The following CAPN11 variants were observed in gnomAD, a reference collection of about 807,000 sequenced individuals.
The protein encoded by CAPN11 is calpain 11, also known as calpain-11.
CAPN11 carries 108 observed loss-of-function variants against 105.3 expected under a neutral mutation model. The ratio of observed to expected loss-of-function variants is 1.03; its 90% CI spans 0.88 to 1.20. The LOEUF (loss-of-function observed/expected upper bound fraction) is 1.20, where lower values mean the gene tolerates loss of function less well. Ranked by LOEUF, CAPN11 falls within the 50% of genes most tolerant of loss-of-function variation. CAPN11 has a pLI of 0.00. For synonymous variants in CAPN11, 329 were observed against 344.5 expected, an observed-to-expected ratio of 0.96 and a Z score of 0.50; for missense variants, 883 against 924.8, an observed-to-expected ratio of 0.95 and a Z score of 0.59.
chr6:44,176,382 C>A, intron 9 of CAPN11, 44 bp downstream of exon 9: 2 of 1,538,938 alleles, frequency 1.3e-6, no homozygotes, highest in Non-Finnish European at 1.8e-6. Flanking sequence ...GAGGATACAG[C>A]AGGCGGTGCC....
At chr6:44,174,534 G>C (rs972059978) in intron 7 of CAPN11, among the ~76,000 whole-genome samples, 1 of 68,666 alleles carries the variant, frequency 1.5e-5, no homozygotes, top group Admixed American at 1.5e-4. Flanking sequence ...AAAAAAAAAA[G>C]AAATTAATTA....
At chr6:44,162,917 C>T (rs770651230) in intron 1 of CAPN11, among the ~76,000 whole-genome samples, 8 of 152,288 alleles carry the variant, frequency 5.3e-5, no homozygotes, top group Middle Eastern at 3.4e-3. Context: ...GACAGACAAG[C>T]ACACACATGA....
At chr6:44,171,444 C>T (rs2128301574) in intron 4 of CAPN11, among the ~76,000 whole-genome samples, 1 of 152,342 alleles carries the variant, frequency 6.6e-6, no homozygotes, top group East Asian at 1.9e-4. Flanking sequence ...CTCTTGGGAA[C>T]TTCGTGGCCA....
chr6:44,168,774 C>T lies in CAPN11; in HGVS notation c.89-507C>T, dbSNP rs139142086. Among the ~76,000 whole-genome samples, 904 of 152,034 alleles carry T rather than the reference C, an allele frequency of 5.9e-3. 4 individuals are homozygous for T. The highest frequency in any genetic ancestry group is 0.02 in the African/African-American group (849 of 41,430). On this transcript the variant is annotated intron_variant, in intron 2 of 22. Transcript: ENST00000398776. ...AGCTGGATTACAGGCATCTTGCCCC[C>T]ACACCCGGCTAATTTTTTGTATTTT...
chr6:44,161,821 C>G (rs932207486), intron 1 of CAPN11: 3 of 456,118 alleles, frequency 6.6e-6, no homozygotes, highest in African/African-American at 2.0e-5. Context: ...CCTCAGTCCT[C>G]GGAGCAGCCA....
intron 21 of CAPN11, 90 bp downstream of exon 21, chr6:44,183,325 C>A: frequency 1.2e-6 from 1 of 800,470 alleles, no homozygotes; most frequent in Non-Finnish European, 2.2e-6. Flanking sequence ...TGCTCCAGAT[C>A]CCCTCCCCCT....
At chr6:44,166,891 C>A in intron 2 of CAPN11, 62 bp downstream of exon 2, 2 of 1,136,982 alleles carry the variant, frequency 1.8e-6, no homozygotes, top group Non-Finnish European at 2.6e-6. Flanking sequence ...CCTTCACTCT[C>A]TTCTCTTCCC....
chr6:44,161,821 C>T (rs932207486), intron 1 of CAPN11: 6 of 456,236 alleles, frequency 1.3e-5, no homozygotes, highest in Middle Eastern at 3.3e-4. Flanking sequence ...CCTCAGTCCT[C>T]GGAGCAGCCA....
At chr6:44,169,093 G>A in intron 2 of CAPN11, 188 bp from the exon 3 acceptor site, 1 of 628,346 alleles carries the variant, frequency 1.6e-6, no homozygotes, top group Non-Finnish European at 2.9e-6. Context: ...ACCATGCCCA[G>A]CTAATTAAAA....
intron 1 of CAPN11, chr6:44,161,867 G>A (rs193219473): frequency 1.8e-5 from 8 of 456,252 alleles, no homozygotes; most frequent in African/African-American, 1.4e-4. Flanking sequence ...CACGGTGCAA[G>A]GGCATGGAGT....
intron 2 of CAPN11, among the ~76,000 whole-genome samples, chr6:44,167,497 C>CA (rs61107654): frequency 0.26 from 7,057 of 26,788 alleles, 1,458 homozygotes; most frequent in African/African-American, 0.41. Flanking sequence ...GACTCCATCT[C>CA]AAAAAAAAAA....
chr6:44,174,099 C>T (rs1423994773), intron 7 of CAPN11, among the ~76,000 whole-genome samples: 5 of 152,226 alleles, frequency 3.3e-5, no homozygotes, highest in Non-Finnish European at 5.9e-5. Context: ...AACATTTGCT[C>T]GACAAAATAC....
rs775211293 is a variant in CAPN11, at chr6:44,180,032, C to G, written c.1509C>G (p.Thr503=). 6.2e-7 allele frequency: 1 copy of G among 1,613,586 alleles called. No homozygotes were observed. Among genetic ancestry groups the G allele is most frequent in the Non-Finnish European group, 8.5e-7 (1 of 1,179,546 alleles). ...YQDHGFSEIF[T]NSREVSSQLR... ...ACCACGGCTTCTCAGAGATCTTCAC[C>G]AACTCACGGGAGGTGAGCAGCCAAC... The change falls in exon 14 of 23, where the codon ACC becomes ACG. Residue 503 remains threonine, a synonymous_variant. Coordinates refer to ENST00000398776, the MANE Select transcript of CAPN11 (RefSeq NM_007058.4).
intron 22 of CAPN11, 57 bp downstream of exon 22, chr6:44,183,820 C>T: frequency 6.3e-7 from 1 of 1,577,654 alleles, no homozygotes; most frequent in Non-Finnish European, 8.7e-7. Flanking sequence ...GCCCCTCAAC[C>T]CCACCCCCAC....
Position 44,169,260 on chromosome 6 carries a change from CTCTTTTTTTT to C in CAPN11, c.89-16_89-7del. The C allele has an allele frequency of 6.3e-7, 1 of 1,588,746 alleles. No homozygotes were observed. The highest frequency in any genetic ancestry group is 8.6e-7 in the Non-Finnish European group (1 of 1,168,188). On this transcript the variant is annotated splice_polypyrimidine_tract_variant and intron_variant, in intron 2 of 22. Transcript: ENST00000398776. ...ATTACATTTTTTACTTGCGTTATTT[CTCTTTTTTTT>C]TCTTAAGCAGAGCCCACTTTTACTG...
chr6:44,171,400 C>T (rs79279314), intron 4 of CAPN11, among the ~76,000 whole-genome samples: 1,691 of 152,306 alleles, frequency 0.011, 33 homozygotes, highest in African/African-American at 0.038. Context: ...AGCCCTGGGT[C>T]CCCAATATAA....
intron 20 of CAPN11, 42 bp downstream of exon 20, chr6:44,183,061 A>G: frequency 6.3e-7 from 1 of 1,595,508 alleles, no homozygotes; most frequent in Non-Finnish European, 8.6e-7. Context: ...AGGGAAGAGG[A>G]TGGCAGTGTC....
chr6:44,164,733 G>A (rs138962622), intron 1 of CAPN11, among the ~76,000 whole-genome samples: 7 of 152,320 alleles, frequency 4.6e-5, no homozygotes, highest in South Asian at 2.1e-4. Flanking sequence ...GAAGAGGAAT[G>A]AGGGTAACCT....
intron 11 of CAPN11, 53 bp downstream of exon 11, chr6:44,177,051 C>T (rs986779795): frequency 1.1e-5 from 17 of 1,578,304 alleles, no homozygotes; most frequent in Middle Eastern, 1.7e-4. Flanking sequence ...GGATGGGCCA[C>T]GGCTCACCAC....
Sources: allele counts gnomAD v4.1 joint callset (sites outside exome capture counted in the v4.1 genomes callset), GRCh38; gene constraint gnomAD v4.1.1; transcripts MANE v1.5; gene names NCBI Gene and HGNC (gene_info 2026-07-23, HGNC 2026-07-21).